The following ITGA11 variants were observed in gnomAD, a reference collection of about 807,000 sequenced individuals.
ITGA11 encodes integrin alpha-11.
A neutral mutation model predicts 141.9 loss-of-function variants in ITGA11; 97 were observed. The observed-to-expected ratio is 0.68, with a 90% CI of 0.58 to 0.81. The LOEUF (loss-of-function observed/expected upper bound fraction) is 0.81. Ranked by LOEUF, ITGA11 falls within the 30% of genes least tolerant of loss-of-function variation. ITGA11 has a pLI of 0.00. For missense variants in ITGA11, 1,387 were observed against 1,559.2 expected (o/e 0.89, Z 1.86); for synonymous variants, 658 against 624.6 (o/e 1.05, Z -0.80).
At position 68,321,842 on chromosome 15, in the gene ITGA11, A is replaced by G. The variant is rs954771779; in HGVS notation, c.2323-339T>C. On this transcript the variant is annotated intron_variant, in intron 18 of 29. Transcript: ENST00000315757. This position sits in a 1 kb window ranked among gnomAD's most constrained non-coding sequence, Gnocchi z 4.9. ...TTGGTACTGGGGATACAAAACAAGA[A>G]AGATGCAGCTTCTGCCCTCAGCTCA... 6.6e-6 allele frequency among the ~76,000 whole-genome samples: 1 copy of G among 152,210 alleles called. No homozygotes were observed. Among genetic ancestry groups the G allele is most frequent in the Admixed American group, 6.6e-5 (1 of 15,266 alleles).
chr15:68,414,794 C>T (rs1896850888), intron 1 of ITGA11, among the ~76,000 whole-genome samples: 1 of 152,180 alleles, frequency 6.6e-6, no homozygotes, highest in African/African-American at 2.4e-5. Flanking sequence ...TGGGTCCAAA[C>T]AAGTGTCCCT....
Position 68,333,166 on chromosome 15 carries a change from C to A in ITGA11, c.1426-688G>T, listed in dbSNP as rs905083334. On this transcript the variant is annotated intron_variant, in intron 12 of 29. Transcript: ENST00000315757. The surrounding 1 kb of genome is among the most constrained non-coding windows in gnomAD (Gnocchi z 4.2). Reference sequence around the variant, plus strand: ...CCAGACTGGAGTGCAATGGTGCAATCTTGGCTCACTGTAGCCTCAAACTCC... The same window carrying A: ...CCAGACTGGAGTGCAATGGTGCAATATTGGCTCACTGTAGCCTCAAACTCC... 2.6e-5 allele frequency among the ~76,000 whole-genome samples: 4 copies of A among 151,278 alleles called. No homozygotes were observed. Among genetic ancestry groups the A allele is most frequent in the African/African-American group, 7.3e-5 (3 of 41,134 alleles).
chr15:68,389,938 C>G (rs1002342045), intron 2 of ITGA11, among the ~76,000 whole-genome samples: 1 of 152,174 alleles, frequency 6.6e-6, no homozygotes, highest in Non-Finnish European at 1.5e-5. Flanking sequence ...TGCATTGGAG[C>G]TGCTGGGACA....
rs548429501 is a variant in ITGA11, at chr15:68,420,510, C to A, written c.52+11505G>T. On this transcript the variant is annotated intron_variant, in intron 1 of 29. Coordinates refer to ENST00000315757, the MANE Select transcript of ITGA11 (RefSeq NM_001004439.2). ...GATGCTCAATGGCCACCAACCTCTT[C>A]TTGTCTGGAAAGAAAGCCTTTGATA... Among the ~76,000 whole-genome samples, 4 of 152,340 alleles carry A rather than the reference C, an allele frequency of 2.6e-5. No homozygotes were observed. The South Asian group carries it at 8.3e-4, about 32-fold the overall frequency.
chr15:68,302,075 T>TGTGTGTGG lies in ITGA11; in HGVS notation c.*983_*984insCCACACAC, dbSNP rs1893048415. ...GAGGCAGTGTGTGTGTGTGTGTGTGTGTGTGTGTGTGTGTGTGTGTGTGTG... is the reference window on the plus strand; with the variant it reads ...GAGGCAGTGTGTGTGTGTGTGTGTGTGTGTGTGGGTGTGTGTGTGTGTGTGTGTGTGTG... On this transcript the variant is annotated 3_prime_UTR_variant, in exon 30 of 30. Transcript: ENST00000315757. 1.5e-5 allele frequency: 1 copy of TGTGTGTGG among 67,988 alleles called. No homozygotes were observed. The highest frequency in any genetic ancestry group is 2.1e-4 in the East Asian group (1 of 4,794). 4.2% of individuals were successfully genotyped at this position (67,988 alleles called of 1,614,324 possible). A position where few individuals can be genotyped will look rare whatever the true frequency, so the allele number is the denominator to read the frequency against.
At chr15:68,352,839 G>A (rs573172104) in intron 7 of ITGA11, among the ~76,000 whole-genome samples, 22 of 152,312 alleles carry the variant, frequency 1.4e-4, no homozygotes, top group African/African-American at 4.8e-4. Flanking sequence ...CTTGTAACAG[G>A]CCATTGGGCT....
In ITGA11 at chr15:68,313,875, G is replaced by A; in HGVS notation, c.2793-7C>T. On this transcript the variant is annotated splice_region_variant and splice_polypyrimidine_tract_variant and intron_variant, in intron 22 of 29. Transcript: ENST00000315757. ...GTCCCGCTCATTACTGTCACTGCAA[G>A]GAGAGCCAGGCGGCAAGGTCAGGAA... 1 of 1,613,048 alleles carries A rather than the reference G, an allele frequency of 6.2e-7. No individual in the cohort carries two copies. The highest frequency in any genetic ancestry group is 8.5e-7 in the Non-Finnish European group (1 of 1,179,042).
intron 7 of ITGA11, among the ~76,000 whole-genome samples, chr15:68,351,755 C>G (rs1213668036): frequency 6.6e-6 from 1 of 151,870 alleles, no homozygotes; most frequent in East Asian, 1.9e-4. Context: ...GTTCACAACC[C>G]CAGCTGCTCA....
At chr15:68,364,331 AC>A (rs1895346706) in intron 4 of ITGA11, among the ~76,000 whole-genome samples, 2 of 151,766 alleles carry the variant, frequency 1.3e-5, no homozygotes, top group South Asian at 4.2e-4. Flanking sequence ...CAGAGATTTG[AC>A]CTCCAGCCCA....
At position 68,328,465 on chromosome 15, in the gene ITGA11, G is replaced by A. The variant is rs1431634329; in HGVS notation, c.1902-203C>T. ...GGCAAGAGCGAGCACGGGGCGAAAG[G>A]GGCTCAGCCACCTCATGGCCCCTCC... On this transcript the variant is annotated intron_variant, in intron 15 of 29. Transcript: ENST00000315757. The surrounding 1 kb of genome is among the most constrained non-coding windows in gnomAD (Gnocchi z 4.8). Among the ~76,000 whole-genome samples, 1 of 152,136 alleles carries A rather than the reference G, an allele frequency of 6.6e-6. No individual in the cohort carries two copies. The highest frequency in any genetic ancestry group is 1.5e-5 in the Non-Finnish European group (1 of 68,022).
intron 1 of ITGA11, among the ~76,000 whole-genome samples, chr15:68,419,172 C>G (rs371798325): frequency 6.6e-6 from 1 of 152,046 alleles, no homozygotes; most frequent in Non-Finnish European, 1.5e-5. Context: ...GTGGGGATGG[C>G]GGACTTTGGG....
In ITGA11 at chr15:68,335,667, C is replaced by T. The variant is rs1894326067; in HGVS notation, c.1425+30G>A. ...TGTCTGATCTGCCCCCTCTTCCCTC[C>T]ATCCCGGCCCCAGGCTCCCCCTCCA... On this transcript the variant is annotated intron_variant, in intron 12 of 29. Transcript: ENST00000315757. This position sits in a 1 kb window ranked among gnomAD's most constrained non-coding sequence, Gnocchi z 4.9. The T allele has an allele frequency of 6.2e-7, 1 of 1,610,620 alleles. No individual in the cohort carries two copies.
intron 14 of ITGA11, 47 bp downstream of exon 14, chr15:68,331,812 C>G: frequency 6.6e-7 from 1 of 1,509,616 alleles, no homozygotes; most frequent in African/African-American, 1.4e-5. Context: ...ACTCCTGGGA[C>G]TCCTGCAGCC....
At chr15:68,413,962 T>TCTCC (rs1459351215) in intron 1 of ITGA11, among the ~76,000 whole-genome samples, 2 of 152,182 alleles carry the variant, frequency 1.3e-5, no homozygotes, top group Non-Finnish European at 2.9e-5. Context: ...CAGCTCTCTC[T>TCTCC]CTCCCTTTGC....
intron 2 of ITGA11, among the ~76,000 whole-genome samples, chr15:68,395,821 TA>T (rs1354313700): frequency 6.9e-6 from 1 of 145,408 alleles, no homozygotes; most frequent in Non-Finnish European, 1.5e-5. Context: ...TGTATACCTA[TA>T]TATCAAAACT....
At position 68,328,637 on chromosome 15, in the gene ITGA11, T is replaced by TG. The variant is rs1328210861; in HGVS notation, c.1902-376dup. The stretch of plus-strand genomic sequence containing the variant: ...TCTGAAGAGCTTAAAAAAATCCTGG[T>TG]GCCTCAGCTACACCCTAGGCAAAAC... On this transcript the variant is annotated intron_variant, in intron 15 of 29. Transcript: ENST00000315757. This position sits in a 1 kb window ranked among gnomAD's most constrained non-coding sequence, Gnocchi z 4.8. Among the ~76,000 whole-genome samples, 1 of 152,192 alleles carries TG rather than the reference T, an allele frequency of 6.6e-6. No homozygotes were observed. The highest frequency in any genetic ancestry group is 1.5e-5 in the Non-Finnish European group (1 of 68,036).
intron 8 of ITGA11, 39 bp downstream of exon 8, chr15:68,351,219 C>G: frequency 5.0e-6 from 8 of 1,609,742 alleles, no homozygotes; most frequent in Non-Finnish European, 6.8e-6. Context: ...TAAAGCCTCT[C>G]AGAGGCCATC....
chr15:68,349,971 C>T (rs1186811739), intron 9 of ITGA11, among the ~76,000 whole-genome samples: 3 of 152,256 alleles, frequency 2.0e-5, no homozygotes, highest in South Asian at 2.1e-4. Context: ...GCCTGCCACA[C>T]CCACTGTATC....
At chr15:68,318,996 A>G (rs982971285) in intron 20 of ITGA11, among the ~76,000 whole-genome samples, 12 of 152,166 alleles carry the variant, frequency 7.9e-5, no homozygotes, top group Non-Finnish European at 1.3e-4. Context: ...GCCACCTGGG[A>G]GTCAAGGGTT....
Sources: allele counts gnomAD v4.1 joint callset (sites outside exome capture counted in the v4.1 genomes callset), GRCh38; gene constraint gnomAD v4.1.1; non-coding constraint Gnocchi (gnomAD v3.1); transcripts MANE v1.5; gene names NCBI Gene and HGNC (gene_info 2026-07-23, HGNC 2026-07-21).